RALGPS2: variants seen among roughly 807,000 people sequenced by gnomAD.
The protein encoded by RALGPS2 is Ral GEF with PH domain and SH3 binding motif 2.
In RALGPS2, 43 loss-of-function variants were observed where a neutral mutation model predicts 86.8. The observed-to-expected ratio is 0.50, with a 90% CI of 0.39 to 0.64. The LOEUF is 0.64. RALGPS2 is among the 30% of genes least tolerant of loss of function. The pLI is 0.00. For missense variants in RALGPS2, 536 were observed against 694.6 expected, an observed-to-expected ratio of 0.77 and a Z score of 2.57; for synonymous variants, 243 against 231.3, an observed-to-expected ratio of 1.05 and a Z score of -0.46.
intron 1 of RALGPS2, among the ~76,000 whole-genome samples, chr1:178,745,888 C>G (rs1651297573): frequency 8.3e-6 from 1 of 120,986 alleles, no homozygotes; most frequent in Non-Finnish European, 1.6e-5. Context: ...GTGGTGTGAT[C>G]TTGGTTCACT....
intron 18 of RALGPS2, among the ~76,000 whole-genome samples, chr1:178,902,467 A>G (rs1035743816): frequency 2.0e-5 from 3 of 152,056 alleles, no homozygotes; most frequent in Non-Finnish European, 4.4e-5. Flanking sequence ...CTCCATGGGC[A>G]TATATGCTTG....
Position 178,732,859 on chromosome 1 carries a change from C to T in RALGPS2, c.-84+7440C>T, listed in dbSNP as rs565571884. 4.6e-5 allele frequency among the ~76,000 whole-genome samples: 7 copies of T among 151,924 alleles called. No individual in the cohort carries two copies. The South Asian group carries it at 1.5e-3, about 32-fold the overall frequency. ...ATTAATAGATTATCTCCTGTTGAAC[C>T]ATCTTTGCATTCCTGAGTTAAACCC... On this transcript the variant is annotated intron_variant, in intron 1 of 19. Coordinates refer to ENST00000367635, the MANE Select transcript of RALGPS2 (RefSeq NM_152663.5).
chr1:178,858,607 AG>A (rs1439706655), intron 8 of RALGPS2, among the ~76,000 whole-genome samples: 1 of 152,194 alleles, frequency 6.6e-6, no homozygotes, highest in Non-Finnish European at 1.5e-5. Context: ...TTGAAGAACC[AG>A]TCTCTCTGTT....
intron 8 of RALGPS2, chr1:178,851,175 G>T (rs780121848): frequency 1.2e-6 from 2 of 1,613,912 alleles, no homozygotes; most frequent in Non-Finnish European, 1.7e-6. Flanking sequence ...TAAGGAGTAT[G>T]ACCCGCCTCT....
intron 5 of RALGPS2, among the ~76,000 whole-genome samples, chr1:178,810,935 CATATT>C (rs1654947229): frequency 6.6e-6 from 1 of 151,906 alleles, no homozygotes; most frequent in African/African-American, 2.4e-5. Flanking sequence ...AGAGCATTAT[CATATT>C]ATATATCTAA....
intron 8 of RALGPS2, among the ~76,000 whole-genome samples, chr1:178,871,660 G>A (rs1421928727): frequency 6.6e-6 from 1 of 152,160 alleles, no homozygotes; most frequent in Non-Finnish European, 1.5e-5. Flanking sequence ...TCTTTCAGAT[G>A]CTTAAGACTT....
chr1:178,744,048 G>A (rs544266813), intron 1 of RALGPS2, among the ~76,000 whole-genome samples: 5 of 152,238 alleles, frequency 3.3e-5, no homozygotes, highest in Admixed American at 2.6e-4. Context: ...CTAGACAGAC[G>A]TTGTGAGGTA....
chr1:178,897,575 A>G (rs1024206331), intron 16 of RALGPS2, 89 bp from the exon 17 acceptor site: 4 of 1,060,288 alleles, frequency 3.8e-6, no homozygotes, highest in Non-Finnish European at 2.9e-6. Flanking sequence ...GTTGAAGTGA[A>G]GTGGACTTGA....
chr1:178,778,761 G>A (rs1172076205), intron 2 of RALGPS2, among the ~76,000 whole-genome samples: 2 of 149,390 alleles, frequency 1.3e-5, no homozygotes, highest in Non-Finnish European at 3.0e-5. Flanking sequence ...GGATGAAATT[G>A]GAAATCATCA....
intron 19 of RALGPS2, among the ~76,000 whole-genome samples, chr1:178,910,092 G>T (rs760872188): frequency 2.0e-5 from 3 of 152,132 alleles, no homozygotes; most frequent in Non-Finnish European, 2.9e-5. Flanking sequence ...AAATGCTGTT[G>T]ATTTTTGTAC....
chr1:178,829,857 G>A lies in RALGPS2; in HGVS notation c.481-3567G>A, dbSNP rs188620301. ...CTTCCCAGGCTCAAGTGATTCTCCT[G>A]CCTCAGCCTCCTGAGTAGCTGGGAT... On this transcript the variant is annotated intron_variant, in intron 7 of 19. Transcript: ENST00000367635. Among the ~76,000 whole-genome samples, 10 of 152,148 alleles carry A rather than the reference G, an allele frequency of 6.6e-5. No homozygotes were observed. In the East Asian group the frequency reaches 1.9e-3, roughly 29 times the overall value.
At chr1:178,912,880 A>AT (rs1208165895) in intron 19 of RALGPS2, among the ~76,000 whole-genome samples, 31 of 152,074 alleles carry the variant, frequency 2.0e-4, no homozygotes, top group Middle Eastern at 6.8e-3. Flanking sequence ...CATTTTTAAA[A>AT]TTTTTTTCTT....
intron 10 of RALGPS2, among the ~76,000 whole-genome samples, chr1:178,882,131 C>A (rs1223366974): frequency 6.6e-6 from 1 of 152,226 alleles, no homozygotes; most frequent in Non-Finnish European, 1.5e-5. Flanking sequence ...CTAGCCTTCA[C>A]TGCTTTTTAA....
At chr1:178,901,338 G>A (rs1419821275) in intron 17 of RALGPS2, among the ~76,000 whole-genome samples, 1 of 151,980 alleles carries the variant, frequency 6.6e-6, no homozygotes, top group Non-Finnish European at 1.5e-5. Flanking sequence ...TGAATTTCTT[G>A]TTAATTGTCG....
At chr1:178,834,543 G>C (rs1361464346) in intron 8 of RALGPS2, among the ~76,000 whole-genome samples, 1 of 152,102 alleles carries the variant, frequency 6.6e-6, no homozygotes, top group Non-Finnish European at 1.5e-5. Context: ...GGACACCCTA[G>C]GATTGCAGAG....
rs141087711 is a variant in RALGPS2, at chr1:178,802,809, G to T, written c.214-5236G>T. ...AATGTTAACTTTTTTAAATACATTT[G>T]TGTGTATTTTATGGTAGTAAATGAT... On this transcript the variant is annotated intron_variant, in intron 4 of 19. Coordinates refer to ENST00000367635, the MANE Select transcript of RALGPS2 (RefSeq NM_152663.5). Among the ~76,000 whole-genome samples, 535 of 152,246 alleles carry T rather than the reference G, an allele frequency of 3.5e-3. 1 individual carries two copies. The highest frequency in any genetic ancestry group is 0.012 in the African/African-American group (500 of 41,552).
intron 4 of RALGPS2, among the ~76,000 whole-genome samples, chr1:178,787,237 T>C (rs570047590): frequency 3.3e-5 from 5 of 152,294 alleles, no homozygotes; most frequent in Non-Finnish European, 7.4e-5. Context: ...AGGTGTATTT[T>C]TTCCTTTTGA....
At chr1:178,744,797 G>A (rs1004227130) in intron 1 of RALGPS2, among the ~76,000 whole-genome samples, 8 of 134,750 alleles carry the variant, frequency 5.9e-5, no homozygotes, top group African/African-American at 1.2e-4. Flanking sequence ...CAGCCTGGGC[G>A]ACAGAGCGAG....
chr1:178,896,391 T>C (rs1659938327), intron 16 of RALGPS2, among the ~76,000 whole-genome samples: 1 of 151,850 alleles, frequency 6.6e-6, no homozygotes, highest in Admixed American at 6.6e-5. Context: ...GGTTCATTTG[T>C]ATAATGGTGG....
Sources: allele counts gnomAD v4.1 joint callset (sites outside exome capture counted in the v4.1 genomes callset), GRCh38; gene constraint gnomAD v4.1.1; transcripts MANE v1.5; gene names NCBI Gene and HGNC (gene_info 2026-07-23, HGNC 2026-07-21).